The following RAB3GAP1 variants were observed in gnomAD, a reference collection of about 807,000 sequenced individuals.
RAB3GAP1 encodes the protein rab3 GTPase-activating protein catalytic subunit.
In RAB3GAP1, 86 loss-of-function variants were observed where a neutral mutation model predicts 130.7. That is an observed-to-expected ratio of 0.66 (90% confidence interval 0.55 to 0.79). The LOEUF (loss-of-function observed/expected upper bound fraction) is 0.79, where lower values mean the gene tolerates loss of function less well. RAB3GAP1 is among the 30% of genes least tolerant of loss of function. RAB3GAP1 has a pLI of 0.00. For synonymous variants in RAB3GAP1, 367 were observed against 401.7 expected (o/e 0.91, Z 1.03); for missense variants, 1,029 against 1,169.4 (o/e 0.88, Z 1.75).
At chr2:135,115,403 C>T in intron 7 of RAB3GAP1, 22 bp downstream of exon 7, 2 of 1,596,938 alleles carry the variant, frequency 1.3e-6, no homozygotes, top group Non-Finnish European at 1.7e-6. Context: ...TTGATATTGT[C>T]AGTCTTATCT....
In RAB3GAP1 at chr2:135,135,779, T is replaced by G; in HGVS notation, c.1770T>G (p.Ser590Arg). ...AAGAAGAATTTTTTGAATGCCTAAG[T>G]GATACTGAAGAACTTAAAGGAAATG... ...DSEEEFFECL[S>R]DTEELKGNGQ... Residue 590 changes from serine (S) to arginine (R), a missense_variant, in exon 17 of 24, where the codon AGT becomes AGG. Ser to Arg is a moderately radical substitution (Grantham distance 110). Transcript: ENST00000264158. 3 of 1,614,048 alleles carry G rather than the reference T, an allele frequency of 1.9e-6. 1 individual carries two copies. Among genetic ancestry groups the G allele is most frequent in the Non-Finnish European group, 8.5e-7 (1 of 1,179,982 alleles).
At chr2:135,131,316 C>G (rs1273671267) in intron 13 of RAB3GAP1, among the ~76,000 whole-genome samples, 1 of 152,198 alleles carries the variant, frequency 6.6e-6, no homozygotes, top group East Asian at 1.9e-4. Context: ...ACCTCCACCT[C>G]CTGGGTTCAA....
chr2:135,109,192 G>A (rs1309794774), intron 5 of RAB3GAP1, among the ~76,000 whole-genome samples: 1 of 151,956 alleles, frequency 6.6e-6, no homozygotes, highest in Non-Finnish European at 1.5e-5. Context: ...TTTAAACTCA[G>A]TTTGTGGATA....
At chr2:135,136,656 G>C (rs1334117806) in intron 17 of RAB3GAP1, 1 of 1,197,196 alleles carries the variant, frequency 8.4e-7, no homozygotes, top group African/African-American at 1.6e-5. Context: ...TGTTTAACTT[G>C]TGGACAAAGA....
intron 8 of RAB3GAP1, 32 bp downstream of exon 8, chr2:135,120,950 T>G: frequency 7.3e-7 from 1 of 1,375,872 alleles, no homozygotes; most frequent in Non-Finnish European, 1.0e-6. Context: ...TTTAACTTAC[T>G]GAATATAAAT....
At chr2:135,071,406 A>G (rs1558761779) in intron 3 of RAB3GAP1, among the ~76,000 whole-genome samples, 1 of 152,098 alleles carries the variant, frequency 6.6e-6, no homozygotes, top group Non-Finnish European at 1.5e-5. Context: ...TTGGTTTCAT[A>G]TTTTACTAAA....
chr2:135,161,491 T>C (rs1692463791), intron 19 of RAB3GAP1, among the ~76,000 whole-genome samples: 1 of 152,102 alleles, frequency 6.6e-6, no homozygotes, highest in South Asian at 2.1e-4. Context: ...AGGCTACATA[T>C]GTGAAAAAAA....
chr2:135,062,006 C>T (rs369948731), intron 3 of RAB3GAP1, among the ~76,000 whole-genome samples: 1 of 152,054 alleles, frequency 6.6e-6, no homozygotes, highest in African/African-American at 2.4e-5. Context: ...ATTTGACTAT[C>T]CTTATGTCAA....
Position 135,130,025 on chromosome 2 carries a change from G to C in RAB3GAP1, c.1004G>C (p.Cys335Ser). 6.2e-7 allele frequency: 1 copy of C among 1,607,008 alleles called. No individual in the cohort carries two copies. Among genetic ancestry groups the C allele is most frequent in the South Asian group, 1.1e-5 (1 of 90,326 alleles). The stretch of plus-strand genomic sequence containing the variant: ...TTTGTCACTGAATTTTTTAAAATTT[G>C]CCGTCGAAAGGAGTCAACTGATGAG... ...GDFVTEFFKI[C>S]RRKESTDEIL... is the part of the protein sequence containing the mutation. The change falls in exon 12 of 24, where the codon TGC becomes TCC. Residue 335 changes from cysteine to serine, a missense_variant. Cys to Ser is a moderately radical substitution (Grantham distance 112). Around this residue, in one of 3 missense-constraint regions of RAB3GAP1, gnomAD observed 510 missense variants for 532.1 expected, o/e 0.96. Transcript: ENST00000264158.
intron 11 of RAB3GAP1, among the ~76,000 whole-genome samples, chr2:135,127,341 G>A (rs1282631043): frequency 6.6e-6 from 1 of 150,716 alleles, no homozygotes; most frequent in Non-Finnish European, 1.5e-5. Context: ...TTGTTTGTTT[G>A]TTTGTTTGTT....
chr2:135,107,746 G>C (rs963874646), intron 5 of RAB3GAP1, among the ~76,000 whole-genome samples: 1 of 151,946 alleles, frequency 6.6e-6, no homozygotes, highest in African/African-American at 2.4e-5. Context: ...CCAGCACTTT[G>C]GGTGGATCAC....
At chr2:135,073,511 G>A (rs558541643) in intron 3 of RAB3GAP1, among the ~76,000 whole-genome samples, 1 of 152,308 alleles carries the variant, frequency 6.6e-6, no homozygotes, top group African/African-American at 2.4e-5. Flanking sequence ...CTGAGCATGT[G>A]ACAGAGGGGC....
intron 7 of RAB3GAP1, among the ~76,000 whole-genome samples, chr2:135,117,885 A>C (rs1691077739): frequency 6.8e-6 from 1 of 147,252 alleles, no homozygotes; most frequent in Admixed American, 6.8e-5. Context: ...ACAGAGTCTC[A>C]CTCTGTCACC....
intron 5 of RAB3GAP1, among the ~76,000 whole-genome samples, chr2:135,095,161 C>T (rs1451142284): frequency 6.6e-6 from 1 of 152,092 alleles, no homozygotes; most frequent in Non-Finnish European, 1.5e-5. Context: ...TCATTCTCCT[C>T]CCTCAGGCTC....
At chr2:135,055,997 C>T (rs1053898430) in intron 2 of RAB3GAP1, among the ~76,000 whole-genome samples, 13 of 150,302 alleles carry the variant, frequency 8.6e-5, no homozygotes, top group South Asian at 4.2e-4. Context: ...CCACCACGCC[C>T]GGCTAATTTT....
intron 7 of RAB3GAP1, among the ~76,000 whole-genome samples, chr2:135,117,281 T>G (rs545189988): frequency 2.6e-5 from 4 of 152,342 alleles, no homozygotes; most frequent in African/African-American, 9.6e-5. Context: ...GTTTGGGAAA[T>G]TTTTGAAAAA....
chr2:135,117,507 T>G (rs868408268), intron 7 of RAB3GAP1, among the ~76,000 whole-genome samples: 142 of 137,328 alleles, frequency 1.0e-3, no homozygotes, highest in African/African-American at 2.1e-3. Flanking sequence ...TTCTTCTTCT[T>G]CTTCTGCTTC....
chr2:135,154,654 G>A (rs1231615505), intron 19 of RAB3GAP1, among the ~76,000 whole-genome samples: 1 of 152,142 alleles, frequency 6.6e-6, no homozygotes, highest in Admixed American at 6.5e-5. Flanking sequence ...CCCAGAAAGA[G>A]AGAGCCTAAC....
At chr2:135,140,409 G>A (rs533449673) in intron 17 of RAB3GAP1, among the ~76,000 whole-genome samples, 17 of 152,270 alleles carry the variant, frequency 1.1e-4, no homozygotes, top group Admixed American at 9.2e-4. Flanking sequence ...CATTTGATGT[G>A]TTCTCAAGAC....
Sources: gnomAD v4.1 joint callset for allele counts (sites outside exome capture counted in the v4.1 genomes callset) on GRCh38, gnomAD v4.1.1 for gene constraint, gnomAD v4.1.1 regional missense constraint, MANE v1.5 for transcripts, NCBI Gene and HGNC (gene_info 2026-07-23, HGNC 2026-07-21) for gene names.